CCDC85A: variants seen among roughly 807,000 people sequenced by gnomAD.
CCDC85A encodes the protein coiled-coil domain-containing protein 85A.
In CCDC85A, 38 loss-of-function variants were observed where a neutral mutation model predicts 50.2. The ratio of observed to expected loss-of-function variants is 0.76; its 90% CI spans 0.58 to 0.99. The LOEUF (loss-of-function observed/expected upper bound fraction) is 0.99. CCDC85A is among the 50% of genes least tolerant of loss of function. CCDC85A has a pLI of 0.00. For missense variants in CCDC85A, 820 were observed against 742.0 expected, an observed-to-expected ratio of 1.11 and a Z score of -1.22; for synonymous variants, 366 against 301.4, an observed-to-expected ratio of 1.21 and a Z score of -2.22.
chr2:56,369,517 G>A (rs1359821426), intron 3 of CCDC85A, among the ~76,000 whole-genome samples: 6 of 152,114 alleles, frequency 3.9e-5, no homozygotes, highest in Non-Finnish European at 7.4e-5. Flanking sequence ...CCATGCAAAT[G>A]TCCATATGTG....
chr2:56,267,460 C>T (rs1670502553), intron 2 of CCDC85A, among the ~76,000 whole-genome samples: 1 of 152,096 alleles, frequency 6.6e-6, no homozygotes, highest in Non-Finnish European at 1.5e-5. Context: ...TGTTTTTATC[C>T]ATGTTTTTAA....
intron 2 of CCDC85A, among the ~76,000 whole-genome samples, chr2:56,201,924 A>G (rs1240627231): frequency 6.6e-6 from 1 of 152,152 alleles, no homozygotes; most frequent in Non-Finnish European, 1.5e-5. Context: ...CTTCCAAAGA[A>G]GGTTAGTGAA....
chr2:56,340,876 C>CAAAAAAAA (rs61603853), intron 2 of CCDC85A, among the ~76,000 whole-genome samples: 5 of 58,230 alleles, frequency 8.6e-5, no homozygotes, highest in Non-Finnish European at 1.7e-4. Flanking sequence ...AACTCCATCT[C>CAAAAAAAA]AAAAAAAAAA....
At position 56,334,011 on chromosome 2, in the gene CCDC85A, T is replaced by A. The variant is rs72916129; in HGVS notation, c.1241-8868T>A. ...CCACCTTTCTTTCTGCCTAAAACCC[T>A]CTTCTCCAAGATCTTTGCATAGTTG... On this transcript the variant is annotated intron_variant, in intron 2 of 5. Coordinates refer to ENST00000407595, the MANE Select transcript of CCDC85A (RefSeq NM_001080433.2). Among the ~76,000 whole-genome samples the A allele has an allele frequency of 3.9e-5, 6 of 151,992 alleles. No individual in the cohort carries two copies. The East Asian group carries it at 1.2e-3, about 29-fold the overall frequency.
intron 2 of CCDC85A, among the ~76,000 whole-genome samples, chr2:56,270,885 C>T (rs574096788): frequency 3.3e-5 from 5 of 152,310 alleles, no homozygotes; most frequent in African/African-American, 9.6e-5. Context: ...AAGTCAGCTT[C>T]GATGGGAGGG....
At chr2:56,319,828 T>G (rs1205284397) in intron 2 of CCDC85A, among the ~76,000 whole-genome samples, 1 of 152,016 alleles carries the variant, frequency 6.6e-6, no homozygotes, top group African/African-American at 2.4e-5. Flanking sequence ...GGCAGTCAGC[T>G]TAGAACTCAA....
rs1674870359 is a variant in CCDC85A at position 56,350,624 on chromosome 2, C to T, written c.1317+7669C>T. On this transcript the variant is annotated intron_variant, in intron 3 of 5. Coordinates refer to ENST00000407595, the MANE Select transcript of CCDC85A (RefSeq NM_001080433.2). ...GGCCTCTGGGAAGCTTGTAAAGATGCTGTGATTTCCAGTAGAGCAGTCTTA... is the reference window on the plus strand; with the variant it reads ...GGCCTCTGGGAAGCTTGTAAAGATGTTGTGATTTCCAGTAGAGCAGTCTTA... Among the ~76,000 whole-genome samples the T allele has an allele frequency of 2.0e-5, 3 of 152,032 alleles. No individual in the cohort carries two copies. In the South Asian group the frequency reaches 6.2e-4, roughly 31 times the overall value.
chr2:56,357,171 T>C (rs2104359194), intron 3 of CCDC85A, among the ~76,000 whole-genome samples: 1 of 152,198 alleles, frequency 6.6e-6, no homozygotes, highest in East Asian at 1.9e-4. Context: ...GATTTTATTG[T>C]AGAGGATTCT....
At chr2:56,371,459 T>G (rs537037523) in intron 3 of CCDC85A, among the ~76,000 whole-genome samples, 1 of 152,174 alleles carries the variant, frequency 6.6e-6, no homozygotes, top group African/African-American at 2.4e-5. Context: ...ACCTCAACAT[T>G]TAGACACTAG....
chr2:56,295,483 C>A (rs1433169300), intron 2 of CCDC85A, among the ~76,000 whole-genome samples: 1 of 152,130 alleles, frequency 6.6e-6, no homozygotes, highest in African/African-American at 2.4e-5. Flanking sequence ...AGCAAATCAG[C>A]TTCCGCATGG....
At chr2:56,193,565 G>A in intron 2 of CCDC85A, 125 bp downstream of exon 2, 2 of 1,115,864 alleles carry the variant, frequency 1.8e-6, no homozygotes, top group Non-Finnish European at 2.5e-6. Flanking sequence ...TTTGGGGAAG[G>A]AGCAAATGTT....
intron 2 of CCDC85A, among the ~76,000 whole-genome samples, chr2:56,272,868 T>C (rs779166410): frequency 6.6e-6 from 1 of 152,044 alleles, no homozygotes; most frequent in Non-Finnish European, 1.5e-5. Context: ...TAAATGTGAA[T>C]AGGCAGGCCA....
intron 2 of CCDC85A, among the ~76,000 whole-genome samples, chr2:56,226,808 C>G (rs1256215522): frequency 6.6e-6 from 1 of 151,942 alleles, no homozygotes; most frequent in East Asian, 1.9e-4. Flanking sequence ...TACATTTCTG[C>G]CACAGTTTGG....
intron 3 of CCDC85A, among the ~76,000 whole-genome samples, chr2:56,364,300 T>C (rs1675682034): frequency 6.7e-6 from 1 of 149,880 alleles, no homozygotes; most frequent in South Asian, 2.2e-4. Context: ...GGCATCCTGC[T>C]AACCTTCTGT....
chr2:56,352,020 A>C (rs1029872170), intron 3 of CCDC85A, among the ~76,000 whole-genome samples: 3 of 152,076 alleles, frequency 2.0e-5, no homozygotes, highest in African/African-American at 4.8e-5. Flanking sequence ...ATCTTGAATT[A>C]ATTTTTGTAT....
rs554616200 is a variant in CCDC85A, at chr2:56,370,986, T to G, written c.1318-1358T>G. ...ATCTCAGAAATAGAATTATGCAGATTGGGGTGGGAGGTGAGTATTAAGCTG... is the reference window on the plus strand; with the variant it reads ...ATCTCAGAAATAGAATTATGCAGATGGGGGTGGGAGGTGAGTATTAAGCTG... On this transcript the variant is annotated intron_variant, in intron 3 of 5. Transcript: ENST00000407595. Among the ~76,000 whole-genome samples, 29 of 152,154 alleles carry G rather than the reference T, an allele frequency of 1.9e-4. No individual in the cohort carries two copies. The South Asian group carries it at 5.8e-3, about 30-fold the overall frequency.
chr2:56,313,158 C>G (rs1260177983), intron 2 of CCDC85A, among the ~76,000 whole-genome samples: 1 of 152,086 alleles, frequency 6.6e-6, no homozygotes, highest in East Asian at 1.9e-4. Flanking sequence ...ACTCTTTGTA[C>G]AATCCAGTTG....
At chr2:56,366,917 A>G (rs994877374) in intron 3 of CCDC85A, among the ~76,000 whole-genome samples, 1 of 151,862 alleles carries the variant, frequency 6.6e-6, no homozygotes, top group Non-Finnish European at 1.5e-5. Flanking sequence ...CTTTTTATCT[A>G]TTTAATCTTT....
intron 2 of CCDC85A, among the ~76,000 whole-genome samples, chr2:56,291,843 C>T (rs1671724768): frequency 6.9e-6 from 1 of 145,126 alleles, no homozygotes; most frequent in Admixed American, 7.0e-5. Flanking sequence ...TGAGAACGTT[C>T]ACGCTGACTC....
Sources: allele counts gnomAD v4.1 joint callset (sites outside exome capture counted in the v4.1 genomes callset), GRCh38; gene constraint gnomAD v4.1.1; transcripts MANE v1.5; gene names NCBI Gene and HGNC (gene_info 2026-07-23, HGNC 2026-07-21).